Variants in MANSC4 observed in about 807,000 individuals in gnomAD.
MANSC4 encodes MANSC domain-containing protein 4.
MANSC4 carries 11 observed loss-of-function variants against 11.4 expected under a neutral mutation model. The ratio of observed to expected loss-of-function variants is 0.97; its 90% CI spans 0.61 to 1.60. MANSC4 has a LOEUF of 1.60. MANSC4 is among the 40% of genes most tolerant of loss of function. MANSC4 has a pLI of 0.00. For missense variants in MANSC4, 354 were observed against 404.6 expected (o/e 0.88, Z 1.07); for synonymous variants, 123 against 147.1 (o/e 0.84, Z 1.19).
At chr12:27,765,253 A>T (rs773235584) in intron 3 of MANSC4, among the ~76,000 whole-genome samples, 2 of 152,182 alleles carry the variant, frequency 1.3e-5, no homozygotes, top group Non-Finnish European at 2.9e-5. Context: ...TTTCAACTAC[A>T]GTCACTTTGT....
rs1281409382 is a variant in MANSC4 at position 27,763,098 on chromosome 12, A to T, written c.663T>A (p.Thr221=). The T allele has an allele frequency of 3.2e-6, 5 of 1,551,776 alleles. No individual in the cohort carries two copies. The highest frequency in any genetic ancestry group is 4.4e-6 in the Non-Finnish European group (5 of 1,147,012). Residue 221 remains threonine, a synonymous_variant, in exon 4 of 4, where the codon ACT becomes ACA. Coordinates refer to ENST00000381273, the MANE Select transcript of MANSC4 (RefSeq NM_001146221.5). ...TATTATCTGGATTGCTGATGAAATCAGTACTTGGTGACACCTTATTTATCT... is the reference window on the plus strand; with the variant it reads ...TATTATCTGGATTGCTGATGAAATCTGTACTTGGTGACACCTTATTTATCT... ...TTKINKVSPS[T]DFISNPDNKT...
At chr12:27,765,426 T>G (rs2062068140) in intron 3 of MANSC4, among the ~76,000 whole-genome samples, 1 of 152,122 alleles carries the variant, frequency 6.6e-6, no homozygotes, top group Non-Finnish European at 1.5e-5. Context: ...CCATGGCCCT[T>G]ACGATACCTG....
chr12:27,763,984 C>T (rs1259280561), intron 3 of MANSC4, among the ~76,000 whole-genome samples: 3 of 152,242 alleles, frequency 2.0e-5, no homozygotes, highest in Admixed American at 6.5e-5. Context: ...CCGCCCGCCT[C>T]GGCCTACCAA....
At chr12:27,768,402 C>CAAAAAAAAAAAAAAAAA (rs201953091) in intron 2 of MANSC4, among the ~76,000 whole-genome samples, 1 of 109,690 alleles carries the variant, frequency 9.1e-6, no homozygotes, top group Non-Finnish European at 1.8e-5. Flanking sequence ...GACTCTGTCT[C>CAAAAAAAAAAAAAAAAA]AAAAAAAAAA....
intron 1 of MANSC4, among the ~76,000 whole-genome samples, chr12:27,776,497 AG>A (rs2062120275): frequency 6.6e-6 from 1 of 152,088 alleles, no homozygotes; most frequent in Non-Finnish European, 1.5e-5. Flanking sequence ...TGGGAGGCTG[AG>A]GAGGGAGCAT....
At chr12:27,766,225 G>C (rs780819601) in intron 3 of MANSC4, among the ~76,000 whole-genome samples, 1 of 152,048 alleles carries the variant, frequency 6.6e-6, no homozygotes, top group Non-Finnish European at 1.5e-5. Context: ...GCGCCACCAC[G>C]CACAGCTAAT....
chr12:27,779,172 G>A (rs2062132401), intron 1 of MANSC4, among the ~76,000 whole-genome samples: 1 of 152,022 alleles, frequency 6.6e-6, no homozygotes, highest in Non-Finnish European at 1.5e-5. Context: ...CAGCCAAACC[G>A]CACGTGTGGT....
rs551682236 is a variant in MANSC4, at chr12:27,768,311, G to A, written c.230-1512C>T. On this transcript the variant is annotated intron_variant, in intron 2 of 3. Transcript: ENST00000381273. ...CCAGCTACTCAGGAGGCTGAGGCAC[G>A]AGAATCACTTGAACCCAGGAGGCAG... Among the ~76,000 whole-genome samples, 36 of 148,620 alleles carry A rather than the reference G, an allele frequency of 2.4e-4. No individual in the cohort carries two copies. The South Asian group carries it at 4.9e-3, about 20-fold the overall frequency.
chr12:27,775,979 A>T lies in MANSC4; in HGVS notation c.-307+4231T>A, dbSNP rs186769665. The stretch of plus-strand genomic sequence containing the variant: ...GTGGCAGACACCTGTAATCCCAGCT[A>T]CTTGGGAGGCTGAGACAGGAGAATG... On this transcript the variant is annotated intron_variant, in intron 1 of 3. Transcript: ENST00000381273. Among the ~76,000 whole-genome samples, 1,116 of 150,952 alleles carry T rather than the reference A, an allele frequency of 7.4e-3. 11 individuals are homozygous for T. The highest frequency in any genetic ancestry group is 0.024 in the African/African-American group (978 of 41,246).
Position 27,771,112 on chromosome 12 carries a change from G to T in MANSC4, c.165C>A (p.Phe55Leu). Residue 55 changes from phenylalanine to leucine, a missense_variant, in exon 2 of 4, where the codon TTC becomes TTA. Transcript: ENST00000381273. ...CAGTGCTTTCAGAATAATACTTCAAGAACTGGGCTCCCAGCTTCTGAGACT... is the reference window on the plus strand; with the variant it reads ...CAGTGCTTTCAGAATAATACTTCAATAACTGGGCTCCCAGCTTCTGAGACT... Reference protein sequence around the residue: ...LEESQKLGAQFLKYYSESTGQ... With the variant: ...LEESQKLGAQLLKYYSESTGQ... 1 of 1,551,798 alleles carries T rather than the reference G, an allele frequency of 6.4e-7. No homozygotes were observed. Among genetic ancestry groups the T allele is most frequent in the Non-Finnish European group, 8.7e-7 (1 of 1,147,018 alleles).
At chr12:27,768,437 AAAAGAAAAAG>A (rs2062084262) in intron 2 of MANSC4, among the ~76,000 whole-genome samples, 1 of 151,522 alleles carries the variant, frequency 6.6e-6, no homozygotes, top group South Asian at 2.1e-4. Flanking sequence ...AAGAAAAAGA[AAAAGAAAAAG>A]AAAATAGTTC....
chr12:27,763,315 A>G lies in MANSC4; in HGVS notation c.446T>C (p.Leu149Pro). Residue 149 changes from leucine to proline, a missense_variant, in exon 4 of 4, where the codon CTA (leucine) becomes CCA (proline). Leu to Pro is a moderately conservative substitution (Grantham distance 98). Transcript: ENST00000381273. Reference protein sequence around the residue: ...TRSSSNRWDRLRILKAMNLDK... With the variant: ...TRSSSNRWDRPRILKAMNLDK... ...TAAATTCATAGCTTTTAGAATCCTT[A>G]GTCTGTCCCATCTATTGGATGAAGA... 1 of 1,551,738 alleles carries G rather than the reference A, an allele frequency of 6.4e-7. No individual in the cohort carries two copies. Among genetic ancestry groups the G allele is most frequent in the Non-Finnish European group, 8.7e-7 (1 of 1,146,994 alleles).
chr12:27,775,905 C>A (rs2062118121), intron 1 of MANSC4, among the ~76,000 whole-genome samples: 1 of 149,164 alleles, frequency 6.7e-6, no homozygotes, highest in Non-Finnish European at 1.5e-5. Flanking sequence ...GCCTGGCCAA[C>A]ATGGTGAAAA....
rs773500583 is a variant in MANSC4, at chr12:27,763,034, G to T, written c.727C>A (p.Leu243Ile). Reference sequence around the variant, plus strand: ...CCAGGTGGAACAGGCATATGAGAAAGTTTTGTGTCTATGGGTTCAAAGAAA... The same window carrying T: ...CCAGGTGGAACAGGCATATGAGAAATTTTTGTGTCTATGGGTTCAAAGAAA... ...SPFFEPIDTK[L>I]SHMPVPPGLN... The change falls in exon 4 of 4, where the codon CTT becomes ATT. Residue 243 changes from leucine to isoleucine, a missense_variant. Coordinates refer to ENST00000381273, the MANE Select transcript of MANSC4 (RefSeq NM_001146221.5). 1 of 1,551,712 alleles carries T rather than the reference G, an allele frequency of 6.4e-7. No homozygotes were observed. Among genetic ancestry groups the T allele is most frequent in the South Asian group, 1.2e-5 (1 of 84,066 alleles).
intron 1 of MANSC4, among the ~76,000 whole-genome samples, chr12:27,774,322 A>G (rs905956794): frequency 2.0e-5 from 3 of 152,178 alleles, no homozygotes; most frequent in African/African-American, 4.8e-5. Flanking sequence ...TTAATTAATT[A>G]TTTATTTATT....
rs926783281 is a variant in MANSC4, at chr12:27,763,594, C to CT, written c.365-199dup. 4.9e-3 allele frequency among the ~76,000 whole-genome samples: 728 copies of CT among 148,280 alleles called. 6 individuals are homozygous for CT. The highest frequency in any genetic ancestry group is 0.017 in the African/African-American group (674 of 40,586). On this transcript the variant is annotated intron_variant, in intron 3 of 3. Transcript: ENST00000381273. ...GAATTTATCTTAACTTTCTAAAACA[C>CT]TTTTTTTTTTAATGAACAAATTTGA...
chr12:27,776,987 C>T (rs765280223), intron 1 of MANSC4, among the ~76,000 whole-genome samples: 30 of 152,086 alleles, frequency 2.0e-4, no homozygotes, highest in Non-Finnish European at 3.5e-4. Flanking sequence ...CTTTGCATTT[C>T]TAGCTTAACA....
At chr12:27,764,277 A>ATC (rs371048954) in intron 3 of MANSC4, among the ~76,000 whole-genome samples, 2 of 150,740 alleles carry the variant, frequency 1.3e-5, no homozygotes, top group South Asian at 2.1e-4. Context: ...CCTGCTGGTG[A>ATC]TCTCTCTCTC....
rs376578084 is a variant in MANSC4 at position 27,763,149 on chromosome 12, A to G, written c.612T>C (p.Thr204=). The G allele has an allele frequency of 1.9e-4, 288 of 1,551,726 alleles. No individual in the cohort carries two copies. In the African/African-American group the frequency reaches 3.5e-3, roughly 19 times the overall value. ...ELTTDFWARF[T]SLNESITTKI... is the part of the protein sequence containing the mutation. Reference sequence around the variant, plus strand: ...TTGTGGTAATGGACTCATTCAGGGAAGTAAATCTTGCCCAAAAATCTGTGG... The same window carrying G: ...TTGTGGTAATGGACTCATTCAGGGAGGTAAATCTTGCCCAAAAATCTGTGG... The change falls in exon 4 of 4, where the codon ACT becomes ACC. Residue 204 remains threonine, a synonymous_variant. Transcript: ENST00000381273.
Sources: allele counts gnomAD v4.1 joint callset (sites outside exome capture counted in the v4.1 genomes callset), GRCh38; gene constraint gnomAD v4.1.1; transcripts MANE v1.5; gene names NCBI Gene and HGNC (gene_info 2026-07-23, HGNC 2026-07-21).